The following NYAP2 variants were observed in gnomAD, a reference collection of about 807,000 sequenced individuals.
NYAP2 encodes the protein neuronal tyrosine-phosphorylated phosphoinositide-3-kinase adapter 2.
Under a neutral mutation model 50.4 loss-of-function variants are expected in NYAP2, and 23 were observed. That is an observed-to-expected ratio of 0.46 (90% confidence interval 0.33 to 0.65). NYAP2 has a LOEUF of 0.65. Among genes scored for constraint, NYAP2 ranks in the 30% least tolerant of loss-of-function variants. NYAP2 has a pLI of 0.02. For synonymous variants in NYAP2, 394 were observed against 365.2 expected (o/e 1.08, Z -0.90); for missense variants, 885 against 861.0 (o/e 1.03, Z -0.35).
intron 4 of NYAP2, among the ~76,000 whole-genome samples, chr2:225,546,437 G>A (rs1691586160): frequency 6.6e-6 from 1 of 151,896 alleles, no homozygotes; most frequent in Admixed American, 6.6e-5. Flanking sequence ...CTTCCCACAA[G>A]CAGAGGAGCC....
chr2:225,633,566 G>C (rs1384324262), intron 6 of NYAP2, among the ~76,000 whole-genome samples: 1 of 152,198 alleles, frequency 6.6e-6, no homozygotes, highest in East Asian at 1.9e-4. Context: ...AAGCCCTTTT[G>C]TTCTAAGTTC....
chr2:225,500,784 A>T (rs1460826291), intron 3 of NYAP2, among the ~76,000 whole-genome samples: 2 of 152,178 alleles, frequency 1.3e-5, no homozygotes, highest in East Asian at 3.9e-4. Context: ...CAATGAATAG[A>T]TGGCAATATA....
At chr2:225,603,542 A>G (rs1165330151) in intron 5 of NYAP2, among the ~76,000 whole-genome samples, 1 of 152,104 alleles carries the variant, frequency 6.6e-6, no homozygotes, top group African/African-American at 2.4e-5. Context: ...GCTCACTGCA[A>G]TCTCCTCCTT....
intron 5 of NYAP2, among the ~76,000 whole-genome samples, chr2:225,583,247 A>G (rs1692331542): frequency 6.6e-6 from 1 of 152,218 alleles, no homozygotes; most frequent in African/African-American, 2.4e-5. Context: ...TCTGCAAAAT[A>G]TACTATTTCC....
intron 5 of NYAP2, among the ~76,000 whole-genome samples, chr2:225,585,369 A>T (rs1024800137): frequency 6.6e-6 from 1 of 152,252 alleles, no homozygotes; most frequent in Non-Finnish European, 1.5e-5. Flanking sequence ...TTAACTAGAA[A>T]AAAAAAGTAT....
At chr2:225,429,546 A>C (rs1042476522) in intron 3 of NYAP2, among the ~76,000 whole-genome samples, 3 of 152,256 alleles carry the variant, frequency 2.0e-5, no homozygotes, top group Admixed American at 2.0e-4. Context: ...CAGGTAGCTA[A>C]AAATCTCACT....
upstream of NYAP2, among the ~76,000 whole-genome samples, chr2:225,399,541 G>A (rs2106113246): frequency 6.6e-6 from 1 of 152,152 alleles, no homozygotes; most frequent in African/African-American, 2.4e-5. Context: ...TTAAAAAAAT[G>A]TGCAGTCCGA....
intron 4 of NYAP2, among the ~76,000 whole-genome samples, chr2:225,514,879 G>A (rs1223161998): frequency 1.3e-5 from 2 of 152,126 alleles, no homozygotes; most frequent in Non-Finnish European, 2.9e-5. Context: ...TTGCCGCAGA[G>A]AGCCACATGG....
chr2:225,607,926 T>C (rs1692816097), intron 5 of NYAP2, among the ~76,000 whole-genome samples: 1 of 152,140 alleles, frequency 6.6e-6, no homozygotes, highest in Non-Finnish European at 1.5e-5. Context: ...TTTCTATAAT[T>C]ATGTTCCATT....
intron 3 of NYAP2, among the ~76,000 whole-genome samples, chr2:225,456,832 G>T (rs575762160): frequency 6.6e-6 from 1 of 152,256 alleles, no homozygotes; most frequent in South Asian, 2.1e-4. Flanking sequence ...CACCTAAAGG[G>T]AAAGGAATGT....
chr2:225,423,663 G>A (rs1400153497), intron 3 of NYAP2, among the ~76,000 whole-genome samples: 2 of 152,100 alleles, frequency 1.3e-5, no homozygotes, highest in East Asian at 3.8e-4. Flanking sequence ...CTTTAATAAT[G>A]CATGCATGTT....
At chr2:225,430,898 C>T (rs547911271) in intron 3 of NYAP2, among the ~76,000 whole-genome samples, 1 of 152,032 alleles carries the variant, frequency 6.6e-6, no homozygotes, top group African/African-American at 2.4e-5. Flanking sequence ...TCTTACACAA[C>T]AAATGCATTT....
chr2:225,697,757 A>G, the NYAP2 span, among the ~76,000 whole-genome samples: 1 of 151,996 alleles, frequency 6.6e-6, no homozygotes, highest in South Asian at 2.1e-4. Flanking sequence ...TTCAGAACAT[A>G]TTGAAAAATA....
chr2:225,481,779 C>A (rs1690210926), intron 3 of NYAP2, among the ~76,000 whole-genome samples: 2 of 152,024 alleles, frequency 1.3e-5, no homozygotes, highest in African/African-American at 4.8e-5. Context: ...GGTTCCACCC[C>A]CTTAGGCATC....
downstream of NYAP2, among the ~76,000 whole-genome samples, chr2:225,654,358 G>A (rs1693790561): frequency 6.6e-6 from 1 of 152,078 alleles, no homozygotes; most frequent in East Asian, 1.9e-4. Context: ...TTCTTACTAG[G>A]AAAATCATTG....
At chr2:225,432,018 G>A (rs1050781229) in intron 3 of NYAP2, among the ~76,000 whole-genome samples, 9 of 152,042 alleles carry the variant, frequency 5.9e-5, no homozygotes, top group Admixed American at 1.3e-4. Context: ...CACCCAGGCC[G>A]GAGTGCAGTG....
rs957979075 is a variant in NYAP2 at position 225,504,301 on chromosome 2, G to A, written c.222-9070G>A. ...ATAGAAGGGGTGAGAGAGCTCTCTG[G>A]GATCTCTTTAATGAGGGCCCTAATT... is the stretch of plus-strand genomic sequence containing the variant. On this transcript the variant is annotated intron_variant, in intron 3 of 6. Transcript: ENST00000636099. Among the ~76,000 whole-genome samples the A allele has an allele frequency of 3.3e-5, 5 of 152,072 alleles. 1 individual carries two copies. Among genetic ancestry groups the A allele is most frequent in the Admixed American group, 6.5e-5 (1 of 15,268 alleles).
At chr2:225,665,325 A>G in the NYAP2 span, among the ~76,000 whole-genome samples, 1 of 152,104 alleles carries the variant, frequency 6.6e-6, no homozygotes, top group Non-Finnish European at 1.5e-5. Context: ...TCTTGCAGCT[A>G]AATTCAAATA....
At chr2:225,465,396 G>A (rs1689900199) in intron 3 of NYAP2, among the ~76,000 whole-genome samples, 1 of 152,102 alleles carries the variant, frequency 6.6e-6, no homozygotes, top group Admixed American at 6.6e-5. Flanking sequence ...GTTGTTGGGT[G>A]CTTCCTAGAT....
Sources: allele counts gnomAD v4.1 joint callset (sites outside exome capture counted in the v4.1 genomes callset), GRCh38; gene constraint gnomAD v4.1.1; transcripts MANE v1.5; gene names NCBI Gene and HGNC (gene_info 2026-07-23, HGNC 2026-07-21).